Variants in RBPMS observed in about 807,000 individuals in gnomAD.
The protein encoded by RBPMS is RNA-binding protein with multiple splicing.
RBPMS carries 7 observed loss-of-function variants against 26.8 expected under a neutral mutation model. That is an observed-to-expected ratio of 0.26 (90% CI 0.15 to 0.49). RBPMS has a LOEUF of 0.49. Ranked by LOEUF, RBPMS falls within the 20% of genes least tolerant of loss-of-function variation. The pLI is 0.98. For synonymous variants in RBPMS, 96 were observed against 93.3 expected, an observed-to-expected ratio of 1.03 and a Z score of -0.17; for missense variants, 186 against 250.0, an observed-to-expected ratio of 0.74 and a Z score of 1.73.
At chr8:30,441,294 T>TA (rs1813048528) in intron 1 of RBPMS, among the ~76,000 whole-genome samples, 1 of 152,170 alleles carries the variant, frequency 6.6e-6, no homozygotes, top group Non-Finnish European at 1.5e-5. Context: ...TTTTTAAACT[T>TA]ACAGCGGGTC....
At chr8:30,562,790 AGAACAGAAGAC>A (rs1827607814) in intron 7 of RBPMS, among the ~76,000 whole-genome samples, 1 of 131,614 alleles carries the variant, frequency 7.6e-6, no homozygotes, top group African/African-American at 2.5e-5. Context: ...CAGCACGGAA[AGAACAGAAGAC>A]GAGCAGGAGT....
At chr8:30,440,960 C>T (rs145521113) in intron 1 of RBPMS, among the ~76,000 whole-genome samples, 3 of 151,590 alleles carry the variant, frequency 2.0e-5, no homozygotes, top group African/African-American at 7.3e-5. Flanking sequence ...ACCACAGTCC[C>T]CCGCCCCGCC....
intron 6 of RBPMS, among the ~76,000 whole-genome samples, chr8:30,549,065 G>A (rs966262288): frequency 6.6e-5 from 10 of 152,204 alleles, no homozygotes; most frequent in African/African-American, 2.2e-4. Flanking sequence ...AGGCTCACAA[G>A]GCAAGGACTC....
intron 1 of RBPMS, among the ~76,000 whole-genome samples, chr8:30,467,554 A>T (rs1487079674): frequency 6.6e-6 from 1 of 152,244 alleles, no homozygotes; most frequent in African/African-American, 2.4e-5. Flanking sequence ...TTAGTAGAGC[A>T]GTCACAAAGC....
chr8:30,528,036 G>A (rs933545058), intron 5 of RBPMS, among the ~76,000 whole-genome samples: 10 of 152,140 alleles, frequency 6.6e-5, no homozygotes, highest in Admixed American at 1.3e-4. Context: ...TTAGCCGGGC[G>A]TGGTGGCGGG....
intron 1 of RBPMS, among the ~76,000 whole-genome samples, chr8:30,434,104 G>A (rs1414616110): frequency 1.4e-5 from 2 of 144,600 alleles, no homozygotes; most frequent in Admixed American, 6.6e-5. Context: ...GTAACAGAGC[G>A]AGACTCTGTC....
chr8:30,504,504 T>A (rs1820890031), intron 5 of RBPMS, 68 bp downstream of exon 5: 1 of 1,500,882 alleles, frequency 6.7e-7, no homozygotes. Flanking sequence ...GCATGTGAGG[T>A]TACACCATGG....
intron 1 of RBPMS, among the ~76,000 whole-genome samples, chr8:30,389,759 C>T (rs1039093572): frequency 6.6e-6 from 1 of 151,876 alleles, no homozygotes; most frequent in African/African-American, 2.4e-5. Context: ...ACTAAAGGCT[C>T]CGTTTTTAAA....
At chr8:30,563,806 C>G (rs1198113886) in intron 7 of RBPMS, among the ~76,000 whole-genome samples, 1 of 152,110 alleles carries the variant, frequency 6.6e-6, no homozygotes. Flanking sequence ...CAGACAGCTG[C>G]GGTGGCTCCT....
intron 5 of RBPMS, among the ~76,000 whole-genome samples, chr8:30,514,620 G>A (rs1348989291): frequency 6.8e-6 from 1 of 145,990 alleles, no homozygotes; most frequent in Non-Finnish European, 1.5e-5. Context: ...TCGGCTCACT[G>A]CAACCTCCAT....
chr8:30,554,350 G>A (rs1826656822), intron 6 of RBPMS, among the ~76,000 whole-genome samples: 1 of 152,192 alleles, frequency 6.6e-6, no homozygotes. Context: ...CACCCACAGG[G>A]ATTCACAGCT....
chr8:30,533,694 A>G (rs1824486773), intron 5 of RBPMS, among the ~76,000 whole-genome samples: 1 of 152,238 alleles, frequency 6.6e-6, no homozygotes, highest in Admixed American at 6.5e-5. Context: ...GTGCTAGTGA[A>G]TAAGTACTCA....
chr8:30,566,723 G>T (rs886212469), intron 8 of RBPMS, among the ~76,000 whole-genome samples: 1 of 152,140 alleles, frequency 6.6e-6, no homozygotes, highest in African/African-American at 2.4e-5. Flanking sequence ...TTTTTGGGGG[G>T]AAATTATTAT....
chr8:30,479,300 C>T lies in RBPMS; in HGVS notation c.184-15C>T. On this transcript the variant is annotated splice_polypyrimidine_tract_variant and intron_variant, in intron 3 of 8. Coordinates refer to ENST00000397323, the MANE Select transcript of RBPMS (RefSeq NM_001008710.3). ...TCTGATTTTTTTTCTTCATATTTCT[C>T]TTTTTTTTTCTCAGCCTGTAGGTTT... 1.9e-6 allele frequency: 3 copies of T among 1,583,502 alleles called. No homozygotes were observed. The highest frequency in any genetic ancestry group is 2.6e-6 in the Non-Finnish European group (3 of 1,156,016).
chr8:30,547,966 T>G (rs1330786959), intron 6 of RBPMS, among the ~76,000 whole-genome samples: 2 of 152,234 alleles, frequency 1.3e-5, no homozygotes, highest in African/African-American at 4.8e-5. Flanking sequence ...TTCCCAGCTC[T>G]AAAGTAAGGA....
chr8:30,504,472 A>T, intron 5 of RBPMS, 36 bp downstream of exon 5: 1 of 1,598,556 alleles, frequency 6.3e-7, no homozygotes, highest in Non-Finnish European at 8.6e-7. Flanking sequence ...AAGTAATAAT[A>T]ACTAAGAACT....
chr8:30,426,722 A>AGGT (rs1482347961), intron 1 of RBPMS, among the ~76,000 whole-genome samples: 1 of 140,088 alleles, frequency 7.1e-6, no homozygotes, highest in African/African-American at 2.7e-5. Flanking sequence ...GGGTTTCTCC[A>AGGT]GGTGGTAGAG....
intron 1 of RBPMS, chr8:30,387,353 G>T (rs1313044919): frequency 6.6e-6 from 1 of 152,020 alleles, no homozygotes; most frequent in Non-Finnish European, 1.5e-5. Flanking sequence ...CCTATTTTTG[G>T]TTTATATTTT....
In RBPMS at chr8:30,525,168, T is replaced by C. The variant is rs60482060; in HGVS notation, c.398-19326T>C. 3.8e-3 allele frequency among the ~76,000 whole-genome samples: 582 copies of C among 152,326 alleles called. 3 individuals are homozygous for C. Among genetic ancestry groups the C allele is most frequent in the African/African-American group, 0.013 (540 of 41,582 alleles). On this transcript the variant is annotated intron_variant, in intron 5 of 8. Transcript: ENST00000397323. ...GTCATAATTTTTAGTAGAAGTTAAATTTAGGAATTAGCAGTCTCCTACTTC... is the reference window on the plus strand; with the variant it reads ...GTCATAATTTTTAGTAGAAGTTAAACTTAGGAATTAGCAGTCTCCTACTTC...
Sources: gnomAD v4.1 joint callset for allele counts (sites outside exome capture counted in the v4.1 genomes callset) on GRCh38, gnomAD v4.1.1 for gene constraint, MANE v1.5 for transcripts, NCBI Gene and HGNC (gene_info 2026-07-23, HGNC 2026-07-21) for gene names.